Variants in PITPNB observed in about 807,000 individuals in gnomAD.
PITPNB encodes the protein phosphatidylinositol transfer protein beta, also known as phosphatidylinositol transfer protein beta isoform.
Under a neutral mutation model 45.9 loss-of-function variants are expected in PITPNB, and 16 were observed. The ratio of observed to expected loss-of-function variants is 0.35; its 90% CI spans 0.24 to 0.53. The LOEUF (loss-of-function observed/expected upper bound fraction) is 0.53, where lower values mean the gene tolerates loss of function less well. Ranked by LOEUF, PITPNB falls within the 20% of genes least tolerant of loss-of-function variation. The pLI is 0.93. For synonymous variants in PITPNB, 112 were observed against 108.9 expected (o/e 1.03, Z -0.18); for missense variants, 188 against 330.5 (o/e 0.57, Z 3.34).
intron 1 of PITPNB, among the ~76,000 whole-genome samples, chr22:27,915,429 T>C (rs1047162475): frequency 6.6e-6 from 1 of 152,204 alleles, no homozygotes; most frequent in Non-Finnish European, 1.5e-5. Context: ...TTCGTAAGTA[T>C]GAAGAGAGTA....
intron 7 of PITPNB, among the ~76,000 whole-genome samples, chr22:27,883,610 C>A (rs140039335): frequency 6.6e-6 from 1 of 152,354 alleles, no homozygotes; most frequent in East Asian, 1.9e-4. Context: ...TGCCTGCGGG[C>A]AGACCACACT....
rs561001535 is a variant in PITPNB at position 27,871,421 on chromosome 22, C to T, written c.534+2317G>A. Among the ~76,000 whole-genome samples, 3 of 152,274 alleles carry T rather than the reference C, an allele frequency of 2.0e-5. No individual in the cohort carries two copies. The South Asian group carries it at 6.2e-4, about 32-fold the overall frequency. Reference sequence around the variant, plus strand: ...CACCTCTGGGTCTCAACCTCATGCCCCTTTACTCCCTGTAAAAGTATTGTC... The same window carrying T: ...CACCTCTGGGTCTCAACCTCATGCCTCTTTACTCCCTGTAAAAGTATTGTC... On this transcript the variant is annotated intron_variant, in intron 8 of 11. Transcript: ENST00000335272.
chr22:27,874,176 C>T (rs1028510439), intron 7 of PITPNB, among the ~76,000 whole-genome samples: 9 of 152,060 alleles, frequency 5.9e-5, no homozygotes, highest in Non-Finnish European at 1.0e-4. Flanking sequence ...TAAAACATAC[C>T]CATCCCAGTT....
chr22:27,856,864 G>C (rs1934188470), intron 10 of PITPNB, among the ~76,000 whole-genome samples: 1 of 152,184 alleles, frequency 6.6e-6, no homozygotes, highest in Non-Finnish European at 1.5e-5. Context: ...AACCAGACAA[G>C]GCAAATGGGA....
chr22:27,861,048 A>G (rs78423384), intron 8 of PITPNB, among the ~76,000 whole-genome samples: 5 of 147,866 alleles, frequency 3.4e-5, no homozygotes, highest in African/African-American at 1.0e-4. Context: ...AAAAAAAAAA[A>G]GGCTGGGCAC....
intron 8 of PITPNB, among the ~76,000 whole-genome samples, chr22:27,870,923 C>G (rs2146362693): frequency 6.6e-6 from 1 of 152,328 alleles, no homozygotes; most frequent in African/African-American, 2.4e-5. Context: ...GAAATTCAGT[C>G]AGGCAGTAGC....
intron 7 of PITPNB, among the ~76,000 whole-genome samples, chr22:27,878,031 G>A (rs1358150533): frequency 6.6e-6 from 1 of 152,166 alleles, no homozygotes; most frequent in Non-Finnish European, 1.5e-5. Flanking sequence ...CCTGCAGCCT[G>A]TTATATAAAA....
intron 1 of PITPNB, among the ~76,000 whole-genome samples, chr22:27,915,100 A>G (rs1025521044): frequency 6.6e-5 from 10 of 152,212 alleles, no homozygotes; most frequent in African/African-American, 2.2e-4. Flanking sequence ...TCTAGATTTT[A>G]TAAGGAGAGT....
In PITPNB at chr22:27,885,494, T is replaced by G. The variant is rs569733434; in HGVS notation, c.456+9061A>C. ...CTTTTTAATCTGACCAAAAAGGTAT[T>G]TGCTCATTTAGAAACAACACTCAGA... On this transcript the variant is annotated intron_variant, in intron 7 of 11. Transcript: ENST00000335272. Among the ~76,000 whole-genome samples the G allele has an allele frequency of 1.2e-4, 19 of 152,312 alleles. 2 individuals are homozygous for G. The South Asian group carries it at 3.7e-3, about 30-fold the overall frequency.
intron 6 of PITPNB, among the ~76,000 whole-genome samples, chr22:27,895,580 ACT>A (rs769599466): frequency 2.0e-5 from 3 of 151,360 alleles, no homozygotes; most frequent in South Asian, 2.1e-4. Context: ...ACAAAGTAAG[ACT>A]CTGTCTCAAA....
Position 27,914,371 on chromosome 22 carries a change from T to C in PITPNB, c.21-24A>G, listed in dbSNP as rs532189202. Reference sequence around the variant, plus strand: ...GGCTAAAAAGACAAAAGAAAAAATATATATATTACATATGAAATAGCTTTA... The same window carrying C: ...GGCTAAAAAGACAAAAGAAAAAATACATATATTACATATGAAATAGCTTTA... On this transcript the variant is annotated intron_variant, in intron 1 of 11. Coordinates refer to ENST00000335272, the MANE Select transcript of PITPNB (RefSeq NM_012399.5). 3.2e-5 allele frequency: 47 copies of C among 1,460,108 alleles called. No homozygotes were observed. The South Asian group carries it at 5.2e-4, about 16-fold the overall frequency. The allele number at this position is 1,460,108 out of a possible 1,614,324, so 90.4% of individuals were successfully genotyped here.
intron 3 of PITPNB, among the ~76,000 whole-genome samples, chr22:27,906,140 G>C (rs1286651823): frequency 6.6e-6 from 1 of 152,154 alleles, no homozygotes; most frequent in Non-Finnish European, 1.5e-5. Flanking sequence ...CTCTGCATAG[G>C]ATAGTTCTGA....
chr22:27,890,746 G>A (rs577741531), intron 7 of PITPNB, among the ~76,000 whole-genome samples: 9 of 152,276 alleles, frequency 5.9e-5, no homozygotes, highest in Non-Finnish European at 7.4e-5. Context: ...CCCCGGAGGC[G>A]GAGCTTGCAG....
At chr22:27,865,167 T>A (rs1934448237) in intron 8 of PITPNB, among the ~76,000 whole-genome samples, 1 of 152,194 alleles carries the variant, frequency 6.6e-6, no homozygotes, top group South Asian at 2.1e-4. Context: ...TTTAAAAATT[T>A]AAAAAAACCT....
chr22:27,894,503 T>A, intron 7 of PITPNB, 52 bp downstream of exon 7: 1 of 989,402 alleles, frequency 1.0e-6, no homozygotes, highest in Non-Finnish European at 1.6e-6. Flanking sequence ...TAGTAGAAAA[T>A]AATTTTTAAC....
In PITPNB at chr22:27,911,117, T is replaced by G. The variant is rs764234442; in HGVS notation, c.52-8A>C. ...AAGCTGCCCAACCTGATACTGAAAT[T>G]TCAAAGAATACAGAAACTGAGTAAG... On this transcript the variant is annotated splice_polypyrimidine_tract_variant and splice_region_variant and intron_variant, in intron 2 of 11. Transcript: ENST00000335272. 8 of 1,609,840 alleles carry G rather than the reference T, an allele frequency of 5.0e-6. 1 individual carries two copies. In the East Asian group the frequency reaches 1.8e-4, roughly 36 times the overall value.
In PITPNB at chr22:27,857,210, T is replaced by C. The variant is rs372514022; in HGVS notation, c.768+1177A>G. ...ACCCTAATTTATAACATTGTCTCTATGGGAAAATATGTTCCAAATTTCAAA... is the reference window on the plus strand; with the variant it reads ...ACCCTAATTTATAACATTGTCTCTACGGGAAAATATGTTCCAAATTTCAAA... On this transcript the variant is annotated intron_variant, in intron 10 of 11. Coordinates refer to ENST00000335272, the MANE Select transcript of PITPNB (RefSeq NM_012399.5). Among the ~76,000 whole-genome samples the C allele has an allele frequency of 2.2e-3, 336 of 152,314 alleles. 1 individual carries two copies. Among genetic ancestry groups the C allele is most frequent in the African/African-American group, 7.7e-3 (321 of 41,570 alleles).
At chr22:27,903,467 CAAAAA>C (rs71194750) in intron 3 of PITPNB, among the ~76,000 whole-genome samples, 1 of 81,300 alleles carries the variant, frequency 1.2e-5, no homozygotes, top group Non-Finnish European at 2.6e-5. Flanking sequence ...GAAACTGTCT[CAAAAA>C]AAAAAAAAAA....
intron 1 of PITPNB, 84 bp downstream of exon 1, chr22:27,919,088 T>G (rs777752149): frequency 1.2e-6 from 2 of 1,609,340 alleles, no homozygotes; most frequent in Non-Finnish European, 1.7e-6. Flanking sequence ...GACTCCGATT[T>G]AGGAATATCC....
Sources: gnomAD v4.1 joint callset for allele counts (sites outside exome capture counted in the v4.1 genomes callset) on GRCh38, gnomAD v4.1.1 for gene constraint, MANE v1.5 for transcripts, NCBI Gene and HGNC (gene_info 2026-07-23, HGNC 2026-07-21) for gene names.